Variants in SDC2 observed in about 807,000 individuals in gnomAD.
SDC2 encodes syndecan-2.
Under a neutral mutation model 22.2 loss-of-function variants are expected in SDC2, and 13 were observed. That is an observed-to-expected ratio of 0.59 (90% CI 0.38 to 0.93). The LOEUF (loss-of-function observed/expected upper bound fraction) is 0.93. SDC2 is among the 40% of genes least tolerant of loss of function. The pLI, the probability that SDC2 is intolerant of heterozygous loss-of-function variation, is 0.00. For missense variants in SDC2, 235 were observed against 246.8 expected, an observed-to-expected ratio of 0.95 and a Z score of 0.32; for synonymous variants, 94 against 92.8, an observed-to-expected ratio of 1.01 and a Z score of -0.07.
chr8:96,495,289 C>T (rs1242237523), intron 1 of SDC2, among the ~76,000 whole-genome samples: 3 of 152,236 alleles, frequency 2.0e-5, no homozygotes, highest in African/African-American at 7.2e-5. Context: ...CACCCAGCTT[C>T]CCTCCCCCGC....
At chr8:96,588,453 A>G (rs905127334) in intron 1 of SDC2, among the ~76,000 whole-genome samples, 5 of 152,236 alleles carry the variant, frequency 3.3e-5, no homozygotes, top group Non-Finnish European at 7.3e-5. Context: ...TGAGTCACCT[A>G]TGGAAAGATA....
At position 96,610,940 on chromosome 8, in the gene SDC2, G is replaced by C. The variant is rs905423353; in HGVS notation, c.*1392G>C. On this transcript the variant is annotated 3_prime_UTR_variant, in exon 5 of 5. Transcript: ENST00000302190. ...AACTGATGGCAATATTAAGACAGAC[G>C]CCTGCTTTTGCAAATAACTTACAAG... The C allele has an allele frequency of 4.6e-5, 7 of 152,644 alleles. No homozygotes were observed. The highest frequency in any genetic ancestry group is 1.0e-4 in the Non-Finnish European group (7 of 68,044). 9.5% of individuals were successfully genotyped at this position (152,644 alleles called of 1,614,324 possible).
intron 1 of SDC2, among the ~76,000 whole-genome samples, chr8:96,547,653 T>G (rs957293356): frequency 2.0e-5 from 3 of 152,218 alleles, no homozygotes; most frequent in Non-Finnish European, 2.9e-5. Flanking sequence ...CTAGGGTAGC[T>G]TGTATGCAAA....
chr8:96,518,451 C>G (rs1586276181), intron 1 of SDC2, among the ~76,000 whole-genome samples: 1 of 151,528 alleles, frequency 6.6e-6, no homozygotes, highest in African/African-American at 2.4e-5. Flanking sequence ...AGCTCCGCCT[C>G]CCAGGTTCAC....
intron 1 of SDC2, among the ~76,000 whole-genome samples, chr8:96,579,014 A>G (rs778174137): frequency 2.0e-5 from 3 of 152,194 alleles, no homozygotes; most frequent in African/African-American, 7.2e-5. Flanking sequence ...AGTCCCTTGT[A>G]ACTGCAATTG....
intron 1 of SDC2, among the ~76,000 whole-genome samples, chr8:96,495,429 C>CTAT (rs1324380969): frequency 2.6e-5 from 4 of 152,174 alleles, no homozygotes; most frequent in Admixed American, 2.0e-4. Flanking sequence ...GCAGCTGCCT[C>CTAT]CACCTGGGCG....
intron 1 of SDC2, among the ~76,000 whole-genome samples, chr8:96,520,072 A>T (rs62514930): frequency 0.13 from 20,438 of 152,178 alleles, 1,697 homozygotes; most frequent in Middle Eastern, 0.3. Context: ...GGCCTTTCTC[A>T]CGGGACTTCC....
intron 1 of SDC2, among the ~76,000 whole-genome samples, chr8:96,583,211 C>G (rs1455654557): frequency 6.8e-6 from 1 of 147,792 alleles, no homozygotes; most frequent in Non-Finnish European, 1.5e-5. Context: ...CTTGGCCTCC[C>G]AAAGTGCTGG....
In SDC2 at chr8:96,540,340, G is replaced by GTATATATATATATATATATA. The variant is rs1554601718; in HGVS notation, c.60+46025_60+46026insTATATATATATATATATATA. Among the ~76,000 whole-genome samples, 1,146 of 123,570 alleles carry GTATATATATATATATATATA rather than the reference G, an allele frequency of 9.3e-3. 12 individuals are homozygous for GTATATATATATATATATATA. The highest frequency in any genetic ancestry group is 0.024 in the Middle Eastern group (6 of 246). The allele number at this position is 123,570 out of a possible 152,430, so 81.1% of individuals were successfully genotyped here. ...AACCCTGTCTCTACTATATATATGT[G>GTATATATATATATATATATA]TATATATATATATATAAAAATTAGT... is the stretch of plus-strand genomic sequence containing the variant. On this transcript the variant is annotated intron_variant, in intron 1 of 4. Coordinates refer to ENST00000302190, the MANE Select transcript of SDC2 (RefSeq NM_002998.4).
At chr8:96,576,865 G>A (rs1333783348) in intron 1 of SDC2, among the ~76,000 whole-genome samples, 2 of 152,176 alleles carry the variant, frequency 1.3e-5, no homozygotes, top group African/African-American at 4.8e-5. Flanking sequence ...AAAGTTAATG[G>A]TGAATACATT....
intron 1 of SDC2, among the ~76,000 whole-genome samples, chr8:96,582,817 G>A (rs1197146204): frequency 1.3e-5 from 2 of 152,186 alleles, no homozygotes; most frequent in African/African-American, 2.4e-5. Flanking sequence ...AGCTGGAAGG[G>A]AGCTTGTATG....
At chr8:96,533,116 G>A (rs1286716127) in intron 1 of SDC2, among the ~76,000 whole-genome samples, 1 of 152,198 alleles carries the variant, frequency 6.6e-6, no homozygotes, top group Non-Finnish European at 1.5e-5. Flanking sequence ...CAGGAGTGAA[G>A]CTGCAGACCT....
At chr8:96,499,775 G>GTTA (rs1554598476) in intron 1 of SDC2, among the ~76,000 whole-genome samples, 2 of 148,132 alleles carry the variant, frequency 1.4e-5, no homozygotes. Flanking sequence ...TTTTTTTTTG[G>GTTA]CAATGAAATG....
chr8:96,537,985 A>C (rs1368691289), intron 1 of SDC2, among the ~76,000 whole-genome samples: 6 of 152,062 alleles, frequency 3.9e-5, no homozygotes, highest in African/African-American at 1.4e-4. Flanking sequence ...TGTTTTTGAG[A>C]CGGAGTCTCG....
intron 1 of SDC2, among the ~76,000 whole-genome samples, chr8:96,576,045 C>T (rs1814483112): frequency 1.3e-5 from 2 of 152,142 alleles, no homozygotes; most frequent in Admixed American, 6.5e-5. Flanking sequence ...TGTCTTTTCT[C>T]CTAGAATATT....
intron 1 of SDC2, among the ~76,000 whole-genome samples, chr8:96,562,728 C>T (rs186929254): frequency 1.1e-4 from 17 of 152,268 alleles, no homozygotes; most frequent in African/African-American, 4.1e-4. Flanking sequence ...TCTAGTGAAA[C>T]CTAAAATAAA....
rs141779980 is a variant in SDC2 at position 96,533,077 on chromosome 8, T to A, written c.60+38746T>A. Among the ~76,000 whole-genome samples the A allele has an allele frequency of 9.5e-4, 145 of 152,300 alleles. 1 individual carries two copies. The East Asian group carries it at 0.023, about 24-fold the overall frequency. ...TTTAGATGTGTTTGGAGTTTTTTCCTTCTGGTGGGTGCTTGGTCTCGCTGG... is the reference window on the plus strand; with the variant it reads ...TTTAGATGTGTTTGGAGTTTTTTCCATCTGGTGGGTGCTTGGTCTCGCTGG... On this transcript the variant is annotated intron_variant, in intron 1 of 4. Transcript: ENST00000302190.
At chr8:96,585,760 G>A (rs572462475) in intron 1 of SDC2, among the ~76,000 whole-genome samples, 18 of 151,974 alleles carry the variant, frequency 1.2e-4, no homozygotes, top group African/African-American at 1.9e-4. Context: ...ATGCCCCAAC[G>A]TACATACAGC....
intron 1 of SDC2, among the ~76,000 whole-genome samples, chr8:96,516,864 A>G (rs556177659): frequency 6.6e-6 from 1 of 152,252 alleles, no homozygotes; most frequent in African/African-American, 2.4e-5. Flanking sequence ...CCTTTTGGCT[A>G]TTAGGAGTAA....
Sources: allele counts gnomAD v4.1 joint callset (sites outside exome capture counted in the v4.1 genomes callset), GRCh38; gene constraint gnomAD v4.1.1; transcripts MANE v1.5; gene names NCBI Gene and HGNC (gene_info 2026-07-23, HGNC 2026-07-21).